PTPRG: variants seen among roughly 807,000 people sequenced by gnomAD.
The protein encoded by PTPRG is protein tyrosine phosphatase receptor type G, also known as receptor-type tyrosine-protein phosphatase gamma.
PTPRG carries 102 observed loss-of-function variants against 165.3 expected under a neutral mutation model. The observed-to-expected ratio is 0.62, with a 90% CI of 0.53 to 0.73. The LOEUF is 0.73. Ranked by LOEUF, PTPRG falls within the 30% of genes least tolerant of loss-of-function variation. The pLI is 0.00. For missense variants in PTPRG, 1,866 were observed against 1,861.4 expected, an observed-to-expected ratio of 1.00 and a Z score of -0.05; for synonymous variants, 675 against 669.5, an observed-to-expected ratio of 1.01 and a Z score of -0.13.
chr3:61,927,081 A>G (rs564779200), intron 2 of PTPRG, among the ~76,000 whole-genome samples: 67 of 152,134 alleles, frequency 4.4e-4, no homozygotes, highest in Admixed American at 3.3e-3. Context: ...TCTATTTCTG[A>G]ATTCAGGAAA....
intron 2 of PTPRG, among the ~76,000 whole-genome samples, chr3:61,752,446 A>G (rs1176362829): frequency 6.6e-6 from 1 of 152,128 alleles, no homozygotes; most frequent in Non-Finnish European, 1.5e-5. Flanking sequence ...TGAATATTAA[A>G]TATCTAGTAA....
intron 3 of PTPRG, among the ~76,000 whole-genome samples, chr3:61,995,981 G>T (rs547969343): frequency 6.6e-6 from 1 of 151,796 alleles, no homozygotes; most frequent in Non-Finnish European, 1.5e-5. Flanking sequence ...ATTTGCCTCC[G>T]CTGGGGCATG....
rs562436286 is a variant in PTPRG at position 62,087,734 on chromosome 3, G to T, written c.615+9476G>T. ...CTGAATGGGAAAAGTTGGGTTTTCTGTTGAAGAGGGTAGAGGGAGAAGTAT... is the reference window on the plus strand; with the variant it reads ...CTGAATGGGAAAAGTTGGGTTTTCTTTTGAAGAGGGTAGAGGGAGAAGTAT... On this transcript the variant is annotated intron_variant, in intron 5 of 29. Transcript: ENST00000474889. Among the ~76,000 whole-genome samples the T allele has an allele frequency of 1.2e-4, 19 of 152,300 alleles. No homozygotes were observed. In the South Asian group the frequency reaches 3.7e-3, roughly 30 times the overall value.
chr3:61,804,107 G>A (rs1210741507), intron 2 of PTPRG, among the ~76,000 whole-genome samples: 1 of 152,178 alleles, frequency 6.6e-6, no homozygotes, highest in Non-Finnish European at 1.5e-5. Flanking sequence ...AAATGCCCTT[G>A]GGCTTTCTGT....
intron 2 of PTPRG, among the ~76,000 whole-genome samples, chr3:61,773,079 C>G (rs1020187227): frequency 3.9e-5 from 6 of 151,962 alleles, no homozygotes; most frequent in African/African-American, 1.5e-4. Flanking sequence ...GAACTTAAAA[C>G]AAAACATGCA....
chr3:61,931,662 C>T (rs1002614990), intron 2 of PTPRG, among the ~76,000 whole-genome samples: 3 of 152,194 alleles, frequency 2.0e-5, no homozygotes, highest in African/African-American at 7.2e-5. Flanking sequence ...CTAACATGAT[C>T]AAACGCACAA....
rs1011361866 is a variant in PTPRG at position 62,264,961 on chromosome 3, A to T, written c.2656+2067A>T. ...ACATCCTCACCAACTCTTACTATTTAAAAAAAAAAAAAAAACAGCCTTCCT... is the reference window on the plus strand; with the variant it reads ...ACATCCTCACCAACTCTTACTATTTTAAAAAAAAAAAAAAACAGCCTTCCT... On this transcript the variant is annotated intron_variant, in intron 17 of 29. Coordinates refer to ENST00000474889, the MANE Select transcript of PTPRG (RefSeq NM_002841.4). 0.012 allele frequency among the ~76,000 whole-genome samples: 508 copies of T among 41,100 alleles called. 5 individuals carry two copies. The East Asian group carries it at 0.15, about 12-fold the overall frequency. The allele number at this position is 41,100 out of a possible 152,430, so 27.0% of individuals were successfully genotyped here. A position where few individuals can be genotyped will look rare whatever the true frequency, so the allele number is the denominator to read the frequency against.
At chr3:61,607,286 A>T (rs565954491) in intron 1 of PTPRG, among the ~76,000 whole-genome samples, 1 of 152,174 alleles carries the variant, frequency 6.6e-6, no homozygotes, top group Non-Finnish European at 1.5e-5. Context: ...TTAGGTTTTC[A>T]TTTTGGTGTG....
At chr3:61,649,360 C>G (rs2106977515) in intron 1 of PTPRG, among the ~76,000 whole-genome samples, 1 of 152,216 alleles carries the variant, frequency 6.6e-6, no homozygotes, top group East Asian at 1.9e-4. Context: ...TCTCACAGTT[C>G]TGGAGGCTGG....
At position 62,234,452 on chromosome 3, in the gene PTPRG, A is replaced by G. The variant is rs181878686; in HGVS notation, c.2375+3141A>G. 2.0e-3 allele frequency among the ~76,000 whole-genome samples: 298 copies of G among 152,162 alleles called. 4 individuals carry two copies. Among genetic ancestry groups the G allele is most frequent in the Admixed American group, 0.014 (218 of 15,266 alleles). ...CAAGGTGGGCTTCTCTCTGCAGTCTATGAGCATGCTATTTCCCTACAGCCA... is the reference window on the plus strand; with the variant it reads ...CAAGGTGGGCTTCTCTCTGCAGTCTGTGAGCATGCTATTTCCCTACAGCCA... On this transcript the variant is annotated intron_variant, in intron 14 of 29. Coordinates refer to ENST00000474889, the MANE Select transcript of PTPRG (RefSeq NM_002841.4).
intron 2 of PTPRG, among the ~76,000 whole-genome samples, chr3:61,872,387 G>T (rs1240348539): frequency 6.6e-6 from 1 of 152,148 alleles, no homozygotes; most frequent in African/African-American, 2.4e-5. Flanking sequence ...GAGAAAGAAC[G>T]TTGGTTCTGG....
chr3:61,676,970 A>G (rs1060654), intron 1 of PTPRG, among the ~76,000 whole-genome samples: 6,746 of 151,992 alleles, frequency 0.044, 411 homozygotes, highest in African/African-American at 0.14. Flanking sequence ...TTCTTAGCCA[A>G]GCATGGTGGC....
chr3:62,125,240 C>G lies in PTPRG; in HGVS notation c.616-7362C>G, dbSNP rs144218577. Among the ~76,000 whole-genome samples, 257 of 152,266 alleles carry G rather than the reference C, an allele frequency of 1.7e-3. 2 individuals carry two copies. Among genetic ancestry groups the G allele is most frequent in the African/African-American group, 5.9e-3 (245 of 41,544 alleles). Reference sequence around the variant, plus strand: ...CTGCAAAATGATAATCTTACCTACTCCTATGGAGGGATTCTTTTTCAAAAG... The same window carrying G: ...CTGCAAAATGATAATCTTACCTACTGCTATGGAGGGATTCTTTTTCAAAAG... On this transcript the variant is annotated intron_variant, in intron 5 of 29. Coordinates refer to ENST00000474889, the MANE Select transcript of PTPRG (RefSeq NM_002841.4).
chr3:61,633,924 G>A (rs1393994459), intron 1 of PTPRG, among the ~76,000 whole-genome samples: 1 of 144,794 alleles, frequency 6.9e-6, no homozygotes, highest in Non-Finnish European at 1.5e-5. Flanking sequence ...TTGCTGTTTT[G>A]TTCTTTTTAT....
chr3:61,661,902 A>T (rs1159970470), intron 1 of PTPRG, among the ~76,000 whole-genome samples: 1 of 152,196 alleles, frequency 6.6e-6, no homozygotes, highest in African/African-American at 2.4e-5. Context: ...TTCAGAAATT[A>T]ATAATTTAAA....
At chr3:61,801,101 A>C (rs2035227098) in intron 2 of PTPRG, among the ~76,000 whole-genome samples, 1 of 152,138 alleles carries the variant, frequency 6.6e-6, no homozygotes, top group South Asian at 2.1e-4. Context: ...AAAGTGTGTC[A>C]CCAGCTGCTT....
chr3:61,729,032 A>C (rs1015587294), intron 1 of PTPRG, among the ~76,000 whole-genome samples: 4 of 151,740 alleles, frequency 2.6e-5, no homozygotes, highest in African/African-American at 9.7e-5. Context: ...GTTGTGCTCC[A>C]GTCTGGGCGG....
At chr3:61,997,942 A>C (rs2041078325) in intron 3 of PTPRG, among the ~76,000 whole-genome samples, 2 of 152,098 alleles carry the variant, frequency 1.3e-5, no homozygotes, top group Admixed American at 1.3e-4. Context: ...AGGGTCCAAT[A>C]ATGGTAGGCT....
chr3:61,928,430 C>T (rs762135608), intron 2 of PTPRG, among the ~76,000 whole-genome samples: 1 of 152,100 alleles, frequency 6.6e-6, no homozygotes, highest in Non-Finnish European at 1.5e-5. Flanking sequence ...TTTTTTTAAT[C>T]CCCTACTTTC....
Sources: gnomAD v4.1 joint callset for allele counts (sites outside exome capture counted in the v4.1 genomes callset) on GRCh38, gnomAD v4.1.1 for gene constraint, MANE v1.5 for transcripts, NCBI Gene and HGNC (gene_info 2026-07-23, HGNC 2026-07-21) for gene names.